The following GGT7 variants were observed in gnomAD, a reference collection of about 807,000 sequenced individuals.
GGT7 encodes gamma-glutamyltransferase 7.
In GGT7, 30 loss-of-function variants were observed where a neutral mutation model predicts 69.2. The ratio of observed to expected loss-of-function variants is 0.43; its 90% CI spans 0.32 to 0.59. GGT7 has a LOEUF of 0.59. Ranked by LOEUF, GGT7 falls within the 20% of genes least tolerant of loss-of-function variation. The pLI is 0.05. For synonymous variants in GGT7, 388 were observed against 391.8 expected, an observed-to-expected ratio of 0.99 and a Z score of 0.12; for missense variants, 733 against 901.1, an observed-to-expected ratio of 0.81 and a Z score of 2.39.
At position 34,859,431 on chromosome 20, in the gene GGT7, A is replaced by G; in HGVS notation, c.1014+12T>C. On this transcript the variant is annotated intron_variant, in intron 7 of 14. Coordinates refer to ENST00000336431, the MANE Select transcript of GGT7 (RefSeq NM_178026.3). ...TGGGGCATGCCCCCACCCGCACAAC[A>G]CGAGCACTTACCTCGGCCACCATCT... 6.4e-7 allele frequency: 1 copy of G among 1,566,906 alleles called. No individual in the cohort carries two copies. Among genetic ancestry groups the G allele is most frequent in the Non-Finnish European group, 8.7e-7 (1 of 1,148,082 alleles).
chr20:34,863,553 GGGCAGGCAGCC>G lies in GGT7; in HGVS notation c.170-16_170-6del, dbSNP rs1226210402. The G allele has an allele frequency of 6.4e-7, 1 of 1,557,378 alleles. No homozygotes were observed. Among genetic ancestry groups the G allele is most frequent in the African/African-American group, 1.4e-5 (1 of 73,530 alleles). ...ACTTCAGGAAGGAGTCCGGGTCTGCGGGCAGGCAGCCGGGGTCGGTCTGGGCATCTCCTATC... is the reference window on the plus strand; with the variant it reads ...ACTTCAGGAAGGAGTCCGGGTCTGCGGGGGTCGGTCTGGGCATCTCCTATC... On this transcript the variant is annotated splice_region_variant and splice_polypyrimidine_tract_variant and intron_variant, in intron 1 of 14. Transcript: ENST00000336431. This position sits in a 1 kb window ranked among gnomAD's most constrained non-coding sequence, Gnocchi z 4.4.
At chr20:34,856,325 G>A (rs376939420) in intron 8 of GGT7, among the ~76,000 whole-genome samples, 5 of 152,290 alleles carry the variant, frequency 3.3e-5, no homozygotes, top group Admixed American at 2.0e-4. Context: ...TGGGTTCCCT[G>A]TTGGTTTTCT....
At chr20:34,845,554 C>A in intron 14 of GGT7, 63 bp from the exon 15 acceptor site, 1 of 1,420,308 alleles carries the variant, frequency 7.0e-7, no homozygotes, top group Non-Finnish European at 9.8e-7. Context: ...AAGAGTCCTA[C>A]AGTCAGACCT....
At chr20:34,846,312 C>CTTTCTTTCT (rs149165215) in intron 14 of GGT7, among the ~76,000 whole-genome samples, 18 of 119,380 alleles carry the variant, frequency 1.5e-4, no homozygotes, top group Non-Finnish European at 2.5e-4. Flanking sequence ...TTCTTTCTTT[C>CTTTCTTTCT]TTTTTTTTGA....
chr20:34,857,879 A>C (rs926385460), intron 7 of GGT7, among the ~76,000 whole-genome samples: 3 of 152,202 alleles, frequency 2.0e-5, no homozygotes, highest in Non-Finnish European at 4.4e-5. Context: ...TTGGCCTCCC[A>C]AAGTGGGGAT....
intron 1 of GGT7, among the ~76,000 whole-genome samples, chr20:34,865,029 C>T (rs973092201): frequency 6.6e-6 from 1 of 152,134 alleles, no homozygotes; most frequent in African/African-American, 2.4e-5. Flanking sequence ...AGCATATTGG[C>T]CAGGCTGGTC....
Position 34,845,112 on chromosome 20 carries a change from TCACCACCACCACCACCAC to T in GGT7, c.*198_*215del, listed in dbSNP as rs79530197. 3.6e-4 allele frequency: 139 copies of T among 389,864 alleles called. 5 individuals carry two copies. The highest frequency in any genetic ancestry group is 4.8e-4 in the African/African-American group (21 of 43,940). The allele number at this position is 389,864 out of a possible 1,614,324, so 24.2% of individuals were successfully genotyped here. A position where few individuals can be genotyped will look rare whatever the true frequency, so the allele number is the denominator to read the frequency against. ...CTGGCTGTACTGTAGATGCTGACAC[TCACCACCACCACCACCAC>T]CACCACCACCACCACCACCACCACA... On this transcript the variant is annotated 3_prime_UTR_variant, in exon 15 of 15. Coordinates refer to ENST00000336431, the MANE Select transcript of GGT7 (RefSeq NM_178026.3).
At position 34,854,083 on chromosome 20, in the gene GGT7, C is replaced by T. The variant is rs148187974; in HGVS notation, c.1319+448G>A. On this transcript the variant is annotated intron_variant, in intron 10 of 14. Coordinates refer to ENST00000336431, the MANE Select transcript of GGT7 (RefSeq NM_178026.3). ...TCCTGACTAGCTGGGACTACAGGCA[C>T]GCGCCACCACGCCCGGCTAATTTTT... Among the ~76,000 whole-genome samples, 1,375 of 152,224 alleles carry T rather than the reference C, an allele frequency of 9.0e-3. 28 individuals carry two copies. Among genetic ancestry groups the T allele is most frequent in the African/African-American group, 0.031 (1,303 of 41,542 alleles).
chr20:34,846,962 C>T (rs1230141996), intron 14 of GGT7, among the ~76,000 whole-genome samples: 3 of 152,178 alleles, frequency 2.0e-5, no homozygotes. Context: ...ACTGCTGGCC[C>T]CCTTACTGCT....
rs1362359934 is a variant in GGT7, at chr20:34,862,913, C to G, written c.458G>C (p.Gly153Ala). The G allele has an allele frequency of 6.2e-7, 1 of 1,614,034 alleles. No individual in the cohort carries two copies. Among genetic ancestry groups the G allele is most frequent in the Non-Finnish European group, 8.5e-7 (1 of 1,179,948 alleles). Residue 153 changes from glycine (G) to alanine (A), a missense_variant, in exon 3 of 15, where the codon GGC (glycine) becomes GCC (alanine). Coordinates refer to ENST00000336431, the MANE Select transcript of GGT7 (RefSeq NM_178026.3). ...TCCCTGTTTACTGAGCACCTCGATG[C>G]CCAGTGAAGTGCAGCGGGCAGCATC... ...VTDAARCTSLGIEVLSKQGSS... is the reference protein window; with the variant it reads ...VTDAARCTSLAIEVLSKQGSS...
rs776955618 is a variant in GGT7, at chr20:34,850,011, G to C, written c.1775C>G (p.Ala592Gly). 6.2e-7 allele frequency: 1 copy of C among 1,613,804 alleles called. No homozygotes were observed. Among genetic ancestry groups the C allele is most frequent in the African/African-American group, 1.3e-5 (1 of 74,910 alleles). ...TLNRNLSDSL[A>G]RGRLHPDLQS... is the part of the protein sequence containing the mutation. ...CAGGTCCGGGTGTAGGCGGCCGCGGGCCAGGCTGTCACTCAGGTTCCGGTT... is the reference window on the plus strand; with the variant it reads ...CAGGTCCGGGTGTAGGCGGCCGCGGCCCAGGCTGTCACTCAGGTTCCGGTT... Residue 592 changes from alanine to glycine, a missense_variant, in exon 14 of 15, where the codon GCC (alanine) becomes GGC (glycine). Transcript: ENST00000336431.
At chr20:34,846,034 C>G (rs938574921) in intron 14 of GGT7, among the ~76,000 whole-genome samples, 3 of 149,748 alleles carry the variant, frequency 2.0e-5, no homozygotes, top group African/African-American at 7.4e-5. Flanking sequence ...CACTGCACTC[C>G]AGTCTGGGCA....
rs567807659 is a variant in GGT7 at position 34,863,265 on chromosome 20, C to T, written c.405+48G>A. On this transcript the variant is annotated intron_variant, in intron 2 of 14. Transcript: ENST00000336431. The surrounding 1 kb of genome is among the most constrained non-coding windows in gnomAD (Gnocchi z 4.4). The stretch of plus-strand genomic sequence containing the variant: ...TTCCACAGTTCCTCAAACATTACCC[C>T]ACTCCCCACTCCCCAGTTTCCTCCC... 44 of 1,320,982 alleles carry T rather than the reference C, an allele frequency of 3.3e-5. No homozygotes were observed. The highest frequency in any genetic ancestry group is 5.2e-5 in the South Asian group (4 of 77,328). The allele number at this position is 1,320,982 out of a possible 1,614,324, so 81.8% of individuals were successfully genotyped here. A position where few individuals can be genotyped will look rare whatever the true frequency, so the allele number is the denominator to read the frequency against.
At position 34,862,939 on chromosome 20, in the gene GGT7, G is replaced by A. The variant is rs748348517; in HGVS notation, c.432C>T (p.Thr144=). 4.5e-5 allele frequency: 73 copies of A among 1,613,462 alleles called. No individual in the cohort carries two copies. Among genetic ancestry groups the A allele is most frequent in the Non-Finnish European group, 6.0e-5 (71 of 1,179,820 alleles). ...PQIFQQGAVV[T]DAARCTSLGI... ...CCAGTGAAGTGCAGCGGGCAGCATC[G>A]GTCACCACGGCACCCTGCTGGAAGA... The change falls in exon 3 of 15, where the codon ACC becomes ACT. Residue 144 remains threonine (T), a synonymous_variant. Transcript: ENST00000336431.
intron 7 of GGT7, among the ~76,000 whole-genome samples, chr20:34,857,363 TCA>T (rs1200096054): frequency 2.0e-5 from 3 of 152,154 alleles, no homozygotes; most frequent in Non-Finnish European, 4.4e-5. Context: ...ATGCTGCATC[TCA>T]CCACAACCAA....
At chr20:34,855,814 T>TGTGTGTGA (rs56219337) in intron 8 of GGT7, among the ~76,000 whole-genome samples, 4,808 of 144,556 alleles carry the variant, frequency 0.033, 119 homozygotes, top group Non-Finnish European at 0.054. Context: ...TGTGTGTGTG[T>TGTGTGTGA]GATAATGGTC....
intron 3 of GGT7, 35 bp downstream of exon 3, chr20:34,862,779 A>T: frequency 1.9e-6 from 3 of 1,611,044 alleles, no homozygotes; most frequent in Non-Finnish European, 2.5e-6. Flanking sequence ...GGCAAGAAGT[A>T]GGCCTGGGGG....
chr20:34,860,738 G>A (rs560752709), intron 4 of GGT7, among the ~76,000 whole-genome samples: 2 of 146,574 alleles, frequency 1.4e-5, no homozygotes, highest in African/African-American at 5.0e-5. Flanking sequence ...CAAGTCAAGC[G>A]ATCCTTGGTG....
At position 34,863,290 on chromosome 20, in the gene GGT7, C is replaced by G. The variant is rs572089594; in HGVS notation, c.405+23G>C. ...CACTCCCCACTCCCCAGTTTCCTCCCCCTCCCCATTTGTCCCCCTCACCTG... is the reference window on the plus strand; with the variant it reads ...CACTCCCCACTCCCCAGTTTCCTCCGCCTCCCCATTTGTCCCCCTCACCTG... On this transcript the variant is annotated intron_variant, in intron 2 of 14. Coordinates refer to ENST00000336431, the MANE Select transcript of GGT7 (RefSeq NM_178026.3). The surrounding 1 kb of genome is among the most constrained non-coding windows in gnomAD (Gnocchi z 4.4). 3.9e-6 allele frequency: 6 copies of G among 1,541,620 alleles called. No individual in the cohort carries two copies. In the East Asian group the frequency reaches 1.1e-4, roughly 29 times the overall value.
Sources: gnomAD v4.1 joint callset for allele counts (sites outside exome capture counted in the v4.1 genomes callset) on GRCh38, gnomAD v4.1.1 for gene constraint, Gnocchi (gnomAD v3.1) non-coding constraint, MANE v1.5 for transcripts, NCBI Gene and HGNC (gene_info 2026-07-23, HGNC 2026-07-21) for gene names.